The following CSMD1 variants were observed in gnomAD, a reference collection of about 807,000 sequenced individuals.
The protein encoded by CSMD1 is CUB and sushi domain-containing protein 1.
In CSMD1, 213 loss-of-function variants were observed where a neutral mutation model predicts 417.5. The observed-to-expected ratio is 0.51, with a 90% CI of 0.46 to 0.57. The LOEUF (loss-of-function observed/expected upper bound fraction) is 0.57. CSMD1 is among the 20% of genes least tolerant of loss of function. The pLI is 0.00. For missense variants in CSMD1, 6,923 were observed against 4,529.7 expected, an observed-to-expected ratio of 1.53 and a Z score of -15.17; for synonymous variants, 2,862 against 1,736.8, an observed-to-expected ratio of 1.65 and a Z score of -16.11.
At chr8:3,643,403 T>C (rs1169418756) in intron 7 of CSMD1, among the ~76,000 whole-genome samples, 2 of 152,020 alleles carry the variant, frequency 1.3e-5, no homozygotes, top group South Asian at 2.1e-4. Flanking sequence ...GAGTGCCTTA[T>C]CAGAAATGCC....
chr8:3,889,962 T>C (rs1806844828), intron 5 of CSMD1, among the ~76,000 whole-genome samples: 2 of 152,128 alleles, frequency 1.3e-5, no homozygotes, highest in Admixed American at 6.6e-5. Context: ...GTGGGAGGAT[T>C]GCTTGAACCC....
At chr8:3,245,172 T>C (rs1799795528) in intron 26 of CSMD1, among the ~76,000 whole-genome samples, 2 of 152,200 alleles carry the variant, frequency 1.3e-5, no homozygotes, top group Admixed American at 6.5e-5. Context: ...TCTCTGTAAA[T>C]GGCACTCCTG....
intron 3 of CSMD1, among the ~76,000 whole-genome samples, chr8:4,174,501 G>A (rs561394337): frequency 6.6e-6 from 1 of 151,266 alleles, no homozygotes; most frequent in South Asian, 2.1e-4. Context: ...GAGAAACTAT[G>A]GGTATATATA....
rs368302409 is a variant in CSMD1, at chr8:4,051,902, TCC to T, written c.416-19805_416-19804del. 5.0e-4 allele frequency among the ~76,000 whole-genome samples: 74 copies of T among 148,092 alleles called. 1 individual carries two copies. The highest frequency in any genetic ancestry group is 8.5e-4 in the African/African-American group (34 of 39,880). On this transcript the variant is annotated intron_variant, in intron 3 of 69. Transcript: ENST00000635120. ...TTTCTTCCTTCCTTCCTTCCTTCCT[TCC>T]TTCCTTCCTTTCTTTCTTTTTCTTT...
intron 5 of CSMD1, among the ~76,000 whole-genome samples, chr8:3,989,275 A>G (rs905677998): frequency 6.6e-6 from 1 of 152,210 alleles, no homozygotes; most frequent in Non-Finnish European, 1.5e-5. Flanking sequence ...CATCAAGCTC[A>G]GAAGTCATAA....
chr8:4,106,063 G>T (rs1273773863), intron 3 of CSMD1, among the ~76,000 whole-genome samples: 2 of 152,184 alleles, frequency 1.3e-5, no homozygotes, highest in Admixed American at 6.5e-5. Context: ...GGGGTGCCAG[G>T]CAGGAGAAAG....
intron 6 of CSMD1, among the ~76,000 whole-genome samples, chr8:3,720,779 G>A (rs565248374): frequency 1.7e-4 from 26 of 152,038 alleles, no homozygotes; most frequent in Non-Finnish European, 3.7e-4. Context: ...ATGCTGACAC[G>A]ATCCAAAACA....
At chr8:4,149,979 C>G (rs1796482671) in intron 3 of CSMD1, among the ~76,000 whole-genome samples, 1 of 152,184 alleles carries the variant, frequency 6.6e-6, no homozygotes, top group Admixed American at 6.5e-5. Flanking sequence ...TCAGCACTGT[C>G]ACAGAGAAGT....
intron 2 of CSMD1, among the ~76,000 whole-genome samples, chr8:4,486,561 A>C (rs1801427299): frequency 6.6e-6 from 1 of 152,050 alleles, no homozygotes; most frequent in African/African-American, 2.4e-5. Context: ...AGCATAACAG[A>C]AGCTTATCAA....
At chr8:3,670,052 A>C (rs560430629) in intron 7 of CSMD1, among the ~76,000 whole-genome samples, 28 of 152,152 alleles carry the variant, frequency 1.8e-4, no homozygotes, top group Non-Finnish European at 1.0e-4. Flanking sequence ...GGGTCTCACA[A>C]TTTGTGATGG....
intron 5 of CSMD1, among the ~76,000 whole-genome samples, chr8:3,992,210 A>T (rs1261844074): frequency 6.6e-6 from 1 of 151,754 alleles, no homozygotes; most frequent in African/African-American, 2.4e-5. Context: ...TTTATTTCCC[A>T]TTTATGCTAT....
intron 49 of CSMD1, among the ~76,000 whole-genome samples, chr8:3,072,874 T>A (rs978519189): frequency 6.6e-6 from 1 of 152,154 alleles, no homozygotes; most frequent in African/African-American, 2.4e-5. Context: ...AACATAAATA[T>A]CATGTTAATT....
At chr8:4,097,235 T>C (rs1018898715) in intron 3 of CSMD1, among the ~76,000 whole-genome samples, 2 of 152,178 alleles carry the variant, frequency 1.3e-5, no homozygotes, top group African/African-American at 2.4e-5. Flanking sequence ...AAGTCCCTTT[T>C]GTAGTACAAA....
intron 3 of CSMD1, among the ~76,000 whole-genome samples, chr8:4,192,960 T>C (rs1254878435): frequency 6.6e-6 from 1 of 152,220 alleles, no homozygotes; most frequent in Admixed American, 6.5e-5. Context: ...CCTTCCTATT[T>C]TCATAATATT....
At chr8:3,557,720 C>T (rs1209478161) in intron 10 of CSMD1, among the ~76,000 whole-genome samples, 1 of 152,166 alleles carries the variant, frequency 6.6e-6, no homozygotes, top group Non-Finnish European at 1.5e-5. Context: ...ACAGCTTCCT[C>T]TACCTGTGGA....
At chr8:4,360,657 A>ATT (rs571660773) in intron 3 of CSMD1, among the ~76,000 whole-genome samples, 1 of 149,738 alleles carries the variant, frequency 6.7e-6, no homozygotes, top group African/African-American at 2.5e-5. Context: ...CACCTGGCTA[A>ATT]TTTTTTTTTT....
intron 7 of CSMD1, among the ~76,000 whole-genome samples, chr8:3,650,863 T>C (rs1013790238): frequency 6.6e-6 from 1 of 152,204 alleles, no homozygotes; most frequent in East Asian, 1.9e-4. Flanking sequence ...TGTATGTAAC[T>C]ATGACTATGT....
At chr8:4,355,325 GCACA>G (rs34254586) in intron 3 of CSMD1, among the ~76,000 whole-genome samples, 1 of 148,672 alleles carries the variant, frequency 6.7e-6, no homozygotes, top group East Asian at 2.1e-4. Context: ...ACACACACAC[GCACA>G]CACACACACG....
intron 10 of CSMD1, among the ~76,000 whole-genome samples, chr8:3,532,823 G>C (rs1368972840): frequency 6.6e-6 from 1 of 152,042 alleles, no homozygotes; most frequent in Non-Finnish European, 1.5e-5. Flanking sequence ...CACATTTGAA[G>C]TCATTAAAGC....
Sources: allele counts gnomAD v4.1 joint callset (sites outside exome capture counted in the v4.1 genomes callset), GRCh38; gene constraint gnomAD v4.1.1; transcripts MANE v1.5; gene names NCBI Gene and HGNC (gene_info 2026-07-23, HGNC 2026-07-21).